DMD: variants seen among roughly 807,000 people sequenced by gnomAD.
The protein encoded by DMD is dystrophin.
Under a neutral mutation model 330.1 loss-of-function variants are expected in DMD, and 63 were observed. That is an observed-to-expected ratio of 0.19 (90% CI 0.16 to 0.24). The LOEUF is 0.24. DMD is among the 10% of genes least tolerant of loss of function. The probability of loss-of-function intolerance (pLI) is 1.00; values close to 1 mark genes in which losing one functional copy is unlikely to be tolerated. For synonymous variants in DMD, 1,223 were observed against 959.8 expected, an observed-to-expected ratio of 1.27 and a Z score of -5.07; for missense variants, 3,344 against 2,684.1, an observed-to-expected ratio of 1.25 and a Z score of -5.43.
chrX:32,762,150 C>CA (rs2072390340), intron 7 of DMD, among the ~76,000 whole-genome samples: 1 of 82,397 alleles, frequency 1.2e-5, no homozygotes, highest in East Asian at 3.6e-4. Flanking sequence ...GACTCTGTCT[C>CA]AAAAAAAGAA....
At chrX:31,135,476 TTA>T (rs2035103070) in intron 76 of DMD, among the ~76,000 whole-genome samples, 1 of 112,246 alleles carries the variant, frequency 8.9e-6, no homozygotes, top group Non-Finnish European at 1.9e-5. Flanking sequence ...TTTATCATAA[TTA>T]TGTTTTGGGT....
chrX:31,589,113 T>C (rs748920375), intron 55 of DMD, among the ~76,000 whole-genome samples: 120 of 104,196 alleles, frequency 1.2e-3, no homozygotes, highest in Non-Finnish European at 1.8e-3. Context: ...AAAAAAAAAA[T>C]CTGACCCTTA....
intron 60 of DMD, among the ~76,000 whole-genome samples, chrX:31,434,689 T>C (rs1372461750): frequency 9.0e-6 from 1 of 111,358 alleles, no homozygotes; most frequent in Non-Finnish European, 1.9e-5. Flanking sequence ...ATTGAATGAA[T>C]GATTGAACAA....
chrX:31,224,146 T>C (rs2046362213), intron 63 of DMD, among the ~76,000 whole-genome samples: 1 of 112,221 alleles, frequency 8.9e-6, no homozygotes, highest in Admixed American at 9.4e-5. Context: ...CACCTACTTC[T>C]GTCATTTTTC....
At chrX:31,972,558 A>T (rs1443986210) in intron 44 of DMD, among the ~76,000 whole-genome samples, 1 of 111,468 alleles carries the variant, frequency 9.0e-6, no homozygotes, top group Non-Finnish European at 1.9e-5. Flanking sequence ...GAAATAAAAA[A>T]TTGGCAAAAA....
At chrX:33,219,983 A>G (rs985165905) in intron 1 of DMD, among the ~76,000 whole-genome samples, 8 of 111,173 alleles carry the variant, frequency 7.2e-5, no homozygotes, top group Non-Finnish European at 1.9e-5. Flanking sequence ...GCAGCAAGAG[A>G]GGTAATTTGT....
At chrX:32,206,404 AT>A (rs1241467737) in intron 44 of DMD, 3 of 508,542 alleles carry the variant, frequency 5.9e-6, no homozygotes, top group Non-Finnish European at 1.1e-5. Context: ...GATGATTTTG[AT>A]GATGAGGAAA....
intron 4 of DMD, among the ~76,000 whole-genome samples, chrX:32,826,869 T>C (rs1415198369): frequency 1.8e-5 from 2 of 111,034 alleles, no homozygotes; most frequent in African/African-American, 3.3e-5. Flanking sequence ...ATGATAAACA[T>C]ATAAGTTAAT....
rs1038967556 is a variant in DMD at position 31,646,098 on chromosome X, C to G, written c.8027+11892G>C. On this transcript the variant is annotated intron_variant, in intron 54 of 78. Coordinates refer to ENST00000357033, the MANE Select transcript of DMD (RefSeq NM_004006.3). Reference sequence around the variant, plus strand: ...ATACTTCTACAACTTTACAAGGCAGCCTGTTCCATCTTTGGACAGCTTTAT... The same window carrying G: ...ATACTTCTACAACTTTACAAGGCAGGCTGTTCCATCTTTGGACAGCTTTAT... Among the ~76,000 whole-genome samples, 5 of 111,865 alleles carry G rather than the reference C, an allele frequency of 4.5e-5. No individual in the cohort carries two copies. In the Admixed American group the frequency reaches 4.7e-4, roughly 11 times the overall value.
chrX:31,627,043 T>A (rs1304168173), intron 55 of DMD, among the ~76,000 whole-genome samples: 1 of 112,078 alleles, frequency 8.9e-6, no homozygotes, highest in East Asian at 2.8e-4. Context: ...TCACCAAGAC[T>A]TCATTTAAAC....
At chrX:32,611,218 G>T (rs1433886558) in intron 12 of DMD, among the ~76,000 whole-genome samples, 2 of 109,594 alleles carry the variant, frequency 1.8e-5, no homozygotes, top group Middle Eastern at 4.7e-3. Context: ...AAAAAAATCT[G>T]TCAAATATTT....
intron 60 of DMD, among the ~76,000 whole-genome samples, chrX:31,374,819 T>C (rs1290014735): frequency 2.7e-5 from 3 of 110,581 alleles, no homozygotes; most frequent in African/African-American, 6.6e-5. Flanking sequence ...ACTTAAAGTA[T>C]AATAAAATAA....
chrX:32,308,352 A>G (rs1444979464), intron 42 of DMD, among the ~76,000 whole-genome samples: 1 of 111,152 alleles, frequency 9.0e-6, no homozygotes, highest in African/African-American at 3.3e-5. Flanking sequence ...ACAATTTCAA[A>G]CCTTCCCAAC....
chrX:32,988,598 G>C (rs1382156342), intron 2 of DMD, among the ~76,000 whole-genome samples: 2 of 112,119 alleles, frequency 1.8e-5, no homozygotes, highest in South Asian at 3.7e-4. Context: ...AGTTTGGATA[G>C]TTTCAGCATG....
chrX:31,610,395 G>A (rs1445037561), intron 55 of DMD, among the ~76,000 whole-genome samples: 3 of 110,888 alleles, frequency 2.7e-5, no homozygotes, highest in East Asian at 5.7e-4. Context: ...TGCCTTTTAC[G>A]GGATACTTAG....
chrX:31,694,566 TA>T (rs1427055252), intron 52 of DMD, among the ~76,000 whole-genome samples: 4 of 85,567 alleles, frequency 4.7e-5, no homozygotes, highest in Non-Finnish European at 6.9e-5. Flanking sequence ...ATAACCCTAA[TA>T]AAAAAATGGG....
At chrX:31,400,684 C>T (rs997611094) in intron 60 of DMD, among the ~76,000 whole-genome samples, 1 of 107,908 alleles carries the variant, frequency 9.3e-6, no homozygotes, top group Non-Finnish European at 1.9e-5. Flanking sequence ...AATACTTTTA[C>T]AAAAGCAGTT....
At chrX:33,155,978 C>T (rs978292957) in intron 1 of DMD, among the ~76,000 whole-genome samples, 4 of 111,491 alleles carry the variant, frequency 3.6e-5, no homozygotes, top group Non-Finnish European at 5.6e-5. Context: ...GGAACCAATG[C>T]TGTTTTTCAG....
chrX:32,399,591 C>T (rs1023448210), intron 30 of DMD, among the ~76,000 whole-genome samples: 12 of 110,614 alleles, frequency 1.1e-4, no homozygotes, highest in African/African-American at 2.3e-4. Context: ...CAAATGTTGG[C>T]GAGGATATGG....
Sources: gnomAD v4.1 joint callset for allele counts (sites outside exome capture counted in the v4.1 genomes callset) on GRCh38, gnomAD v4.1.1 for gene constraint, MANE v1.5 for transcripts, NCBI Gene and HGNC (gene_info 2026-07-23, HGNC 2026-07-21) for gene names.